Variants in GRID2 observed in about 807,000 individuals in gnomAD.
GRID2 encodes glutamate receptor ionotropic, delta-2.
In GRID2, 33 loss-of-function variants were observed where a neutral mutation model predicts 114.8. The ratio of observed to expected loss-of-function variants is 0.29; its 90% confidence interval spans 0.22 to 0.38. The LOEUF (loss-of-function observed/expected upper bound fraction) is 0.38, where lower values mean the gene tolerates loss of function less well. Ranked by LOEUF, GRID2 falls within the 10% of genes least tolerant of loss-of-function variation. The pLI, the probability that GRID2 is intolerant of heterozygous loss-of-function variation, is 1.00. For missense variants in GRID2, 1,184 were observed against 1,257.7 expected (o/e 0.94, Z 0.89); for synonymous variants, 505 against 449.9 (o/e 1.12, Z -1.55).
intron 6 of GRID2, among the ~76,000 whole-genome samples, chr4:93,222,432 G>T (rs1485611541): frequency 1.3e-5 from 2 of 150,974 alleles, no homozygotes; most frequent in East Asian, 1.9e-4. Flanking sequence ...AGTGAGGGAT[G>T]CTACCCCAAC....
At chr4:93,370,719 C>A (rs192072023) in intron 8 of GRID2, among the ~76,000 whole-genome samples, 75 of 152,212 alleles carry the variant, frequency 4.9e-4, no homozygotes, top group Admixed American at 1.7e-3. Flanking sequence ...TACACATCTT[C>A]ATAGCTCCTT....
chr4:92,620,995 CA>C (rs67388525), intron 2 of GRID2, among the ~76,000 whole-genome samples: 35,712 of 112,192 alleles, frequency 0.32, 4,143 homozygotes, highest in South Asian at 0.41. Context: ...TAAAGAATGC[CA>C]AAAAAAAAAA....
At chr4:92,749,332 T>TTTTTTTTG (rs1737320085) in intron 2 of GRID2, among the ~76,000 whole-genome samples, 1 of 96,152 alleles carries the variant, frequency 1.0e-5, no homozygotes, top group African/African-American at 4.5e-5. Context: ...TTTTTTTTTT[T>TTTTTTTTG]GAGACGGAGT....
intron 1 of GRID2, among the ~76,000 whole-genome samples, chr4:92,540,284 A>G (rs1373913908): frequency 6.6e-6 from 1 of 152,222 alleles, no homozygotes; most frequent in Non-Finnish European, 1.5e-5. Flanking sequence ...ACAAAAGCCA[A>G]AATTGACAAA....
At chr4:92,819,478 C>G (rs776171866) in intron 2 of GRID2, among the ~76,000 whole-genome samples, 2 of 152,004 alleles carry the variant, frequency 1.3e-5, no homozygotes, top group Non-Finnish European at 2.9e-5. Context: ...GGATAAAACC[C>G]AAACAGCCTC....
intron 1 of GRID2, among the ~76,000 whole-genome samples, chr4:93,798,707 A>C (rs537200630): frequency 7.9e-5 from 12 of 152,220 alleles, no homozygotes; most frequent in Non-Finnish European, 1.6e-4. Flanking sequence ...TTACTAGTTT[A>C]AGTGATTTAA....
chr4:92,593,340 A>T (rs1247647810), intron 2 of GRID2, among the ~76,000 whole-genome samples: 1 of 151,992 alleles, frequency 6.6e-6, no homozygotes, highest in Non-Finnish European at 1.5e-5. Context: ...CACATTTAAG[A>T]GCTGGTTTTT....
At chr4:92,614,271 A>G (rs1729896350) in intron 2 of GRID2, among the ~76,000 whole-genome samples, 1 of 151,554 alleles carries the variant, frequency 6.6e-6, no homozygotes, top group East Asian at 1.9e-4. Flanking sequence ...TCCAAATATG[A>G]ATGAGAACTA....
chr4:93,578,364 C>T (rs1736616565), intron 13 of GRID2, among the ~76,000 whole-genome samples: 2 of 152,016 alleles, frequency 1.3e-5, no homozygotes, highest in East Asian at 1.9e-4. Context: ...AGACACAGAT[C>T]CAGGTTCTGT....
rs1288431855 is a variant in GRID2, at chr4:92,891,954, C to A, written c.245-193041C>A. ...ATATTGAGAGATTCCCATTATTTTA[C>A]CTTTGAAAGTATGCCTCTTATAATG... On this transcript the variant is annotated intron_variant, in intron 2 of 15. Coordinates refer to ENST00000282020, the MANE Select transcript of GRID2 (RefSeq NM_001510.4). 3.3e-5 allele frequency among the ~76,000 whole-genome samples: 5 copies of A among 152,066 alleles called. 1 individual carries two copies. The highest frequency in any genetic ancestry group is 5.9e-5 in the Non-Finnish European group (4 of 68,004).
chr4:92,924,132 A>G (rs1251107221), intron 2 of GRID2, among the ~76,000 whole-genome samples: 1 of 152,206 alleles, frequency 6.6e-6, no homozygotes. Flanking sequence ...CATCATTCTC[A>G]GCAAACTATC....
At chr4:92,445,999 C>G (rs1209207877) in intron 1 of GRID2, among the ~76,000 whole-genome samples, 1 of 152,178 alleles carries the variant, frequency 6.6e-6, no homozygotes, top group African/African-American at 2.4e-5. Flanking sequence ...GGCTGGAGTG[C>G]AGTGGCACTG....
In GRID2 at chr4:92,304,135, C is replaced by A. The variant is rs948902474; in HGVS notation, c.-522C>A. On this transcript the variant is annotated 5_prime_UTR_variant, in exon 1 of 16. Transcript: ENST00000282020. ...GGAATCTGGCTGCTCCGTTTGGAAT[C>A]TCCTAATCTTTCCTTTCCACTTAGA... is the stretch of plus-strand genomic sequence containing the variant. The A allele has an allele frequency of 1.8e-5, 3 of 170,210 alleles. 1 individual carries two copies. The South Asian group carries it at 4.4e-4, about 25-fold the overall frequency. The allele number at this position is 170,210 out of a possible 1,614,324, so 10.5% of individuals were successfully genotyped here. A position where few individuals can be genotyped will look rare whatever the true frequency, so the allele number is the denominator to read the frequency against.
At chr4:92,845,675 T>G (rs894545098) in intron 2 of GRID2, among the ~76,000 whole-genome samples, 2 of 152,082 alleles carry the variant, frequency 1.3e-5, no homozygotes, top group African/African-American at 4.8e-5. Flanking sequence ...ACCACACAAT[T>G]GAGAAGCAAT....
At chr4:93,079,618 C>T (rs952453202) in intron 2 of GRID2, among the ~76,000 whole-genome samples, 2 of 151,954 alleles carry the variant, frequency 1.3e-5, no homozygotes, top group South Asian at 4.2e-4. Flanking sequence ...ATGGACAATG[C>T]ATTTAATGTC....
At chr4:93,748,984 C>T (rs141953082) in intron 14 of GRID2, among the ~76,000 whole-genome samples, 2 of 150,704 alleles carry the variant, frequency 1.3e-5, no homozygotes, top group African/African-American at 4.9e-5. Context: ...TCTTCCACTA[C>T]AGTCACATCA....
chr4:92,552,249 A>G (rs1343743802), intron 1 of GRID2, among the ~76,000 whole-genome samples: 1 of 152,084 alleles, frequency 6.6e-6, no homozygotes, highest in African/African-American at 2.4e-5. Flanking sequence ...AAAATGAAAA[A>G]AAAAAAAAGT....
chr4:93,092,566 C>A (rs145500434), intron 3 of GRID2, among the ~76,000 whole-genome samples: 1 of 151,982 alleles, frequency 6.6e-6, no homozygotes, highest in Non-Finnish European at 1.5e-5. Flanking sequence ...ATGGTAGACA[C>A]GGTAAATGGT....
chr4:92,350,929 G>A lies in GRID2; in HGVS notation c.88+46185G>A, dbSNP rs948965880. Among the ~76,000 whole-genome samples, 5 of 151,638 alleles carry A rather than the reference G, an allele frequency of 3.3e-5. No individual in the cohort carries two copies. In the South Asian group the frequency reaches 6.2e-4, roughly 19 times the overall value. ...TCATATAAATGGAATCATATAATAC[G>A]TGGTCTTTTTTGACTGGCTTCTTTT... is the stretch of plus-strand genomic sequence containing the variant. On this transcript the variant is annotated intron_variant, in intron 1 of 15. Coordinates refer to ENST00000282020, the MANE Select transcript of GRID2 (RefSeq NM_001510.4).
Sources: gnomAD v4.1 joint callset for allele counts (sites outside exome capture counted in the v4.1 genomes callset) on GRCh38, gnomAD v4.1.1 for gene constraint, MANE v1.5 for transcripts, NCBI Gene and HGNC (gene_info 2026-07-23, HGNC 2026-07-21) for gene names.